The following ACLY variants were observed in gnomAD, a reference collection of about 807,000 sequenced individuals.
ACLY encodes ATP citrate lyase.
ACLY carries 41 observed loss-of-function variants against 133.0 expected under a neutral mutation model. That is an observed-to-expected ratio of 0.31 (90% CI 0.24 to 0.40). The LOEUF (loss-of-function observed/expected upper bound fraction) is 0.40. ACLY is among the 10% of genes least tolerant of loss of function. ACLY has a pLI of 1.00. For synonymous variants in ACLY, 495 were observed against 549.3 expected (o/e 0.90, Z 1.38); for missense variants, 1,046 against 1,453.8 (o/e 0.72, Z 4.56).
At chr17:41,921,362 T>C (rs2144451994), upstream of ACLY, among the ~76,000 whole-genome samples, 1 of 150,938 alleles carries the variant, frequency 6.6e-6, no homozygotes, top group South Asian at 2.1e-4. Context: ...TGCACACCTG[T>C]AGTCCCAGCT....
chr17:41,872,885 G>C (rs939277561), intron 23 of ACLY, among the ~76,000 whole-genome samples: 3 of 152,160 alleles, frequency 2.0e-5, no homozygotes, highest in Non-Finnish European at 4.4e-5. Flanking sequence ...AGCAGACAGA[G>C]AGAGACCTGC....
rs1427241817 is a variant in ACLY, at chr17:41,893,015, C to T, written c.1601+18G>A. The T allele has an allele frequency of 1.2e-5, 19 of 1,607,584 alleles. No individual in the cohort carries two copies. Among genetic ancestry groups the T allele is most frequent in the South Asian group, 3.3e-5 (3 of 90,272 alleles). On this transcript the variant is annotated intron_variant, in intron 15 of 28. Transcript: ENST00000352035. ...CTTAGCAGAGGAAGGAGATATTTCCCGCCATGGGGTAACTCACGTGAAAGG... is the reference window on the plus strand; with the variant it reads ...CTTAGCAGAGGAAGGAGATATTTCCTGCCATGGGGTAACTCACGTGAAAGG...
At chr17:41,926,162 T>G (rs947683359) in intron 1 of ACLY, among the ~76,000 whole-genome samples, 2 of 152,098 alleles carry the variant, frequency 1.3e-5, no homozygotes, top group Non-Finnish European at 2.9e-5. Context: ...TATGTTTATT[T>G]ACTTATGTTC....
At chr17:41,883,571 C>T (rs533674970) in intron 19 of ACLY, among the ~76,000 whole-genome samples, 57 of 132,670 alleles carry the variant, frequency 4.3e-4, no homozygotes, top group Admixed American at 8.5e-5. Context: ...TTAAAAAGCG[C>T]TTTTTTTTTG....
chr17:41,907,034 T>C (rs948614534), intron 7 of ACLY, among the ~76,000 whole-genome samples: 10 of 152,082 alleles, frequency 6.6e-5, no homozygotes, highest in Non-Finnish European at 4.4e-5. Flanking sequence ...TAGCCCAGCC[T>C]CTTCCCTGGG....
chr17:41,882,974 C>T (rs933209893), intron 20 of ACLY, 148 bp downstream of exon 20: 63 of 635,774 alleles, frequency 9.9e-5, no homozygotes, highest in Admixed American at 1.5e-4. Context: ...GAGCAGGGCC[C>T]TGGCTGGACT....
intron 17 of ACLY, 69 bp downstream of exon 17, chr17:41,887,530 A>T: frequency 4.5e-6 from 6 of 1,340,322 alleles, no homozygotes; most frequent in Non-Finnish European, 6.4e-6. Context: ...CAAAAAGTAA[A>T]CTTCCTAAGG....
At chr17:41,872,482 C>A (rs1019156272) in intron 23 of ACLY, among the ~76,000 whole-genome samples, 2 of 152,152 alleles carry the variant, frequency 1.3e-5, no homozygotes, top group African/African-American at 4.8e-5. Context: ...CGCACCACCA[C>A]GCCAGGCTAA....
At chr17:41,901,558 A>G (rs1598021537) in intron 11 of ACLY, 138 bp downstream of exon 11, 2 of 712,872 alleles carry the variant, frequency 2.8e-6, no homozygotes, top group Non-Finnish European at 4.8e-6. Context: ...GGGACAGGGA[A>G]TGGAAACCCA....
chr17:41,904,834 G>A (rs782217323), intron 9 of ACLY, 44 bp from the exon 10 acceptor site: 3 of 1,564,734 alleles, frequency 1.9e-6, no homozygotes, highest in East Asian at 2.2e-5. Flanking sequence ...TACATAGGTA[G>A]ACTTGAGCAT....
intron 20 of ACLY, among the ~76,000 whole-genome samples, chr17:41,882,434 G>T (rs1367792345): frequency 1.5e-5 from 2 of 134,208 alleles, no homozygotes; most frequent in Non-Finnish European, 3.1e-5. Context: ...ATACTGCAGA[G>T]TATTCTTGTA....
Position 41,867,673 on chromosome 17 carries a change from G to C in ACLY, c.*137C>G. ...TGTTAGCCTGTGGATGTTGGTCTTC[G>C]GTGCCTGTACCCCAGTGGCTGTTTA... On this transcript the variant is annotated 3_prime_UTR_variant, in exon 29 of 29. Coordinates refer to ENST00000352035, the MANE Select transcript of ACLY (RefSeq NM_001096.3). The C allele has an allele frequency of 1.8e-6, 1 of 541,498 alleles. No homozygotes were observed. Among genetic ancestry groups the C allele is most frequent in the Non-Finnish European group, 3.2e-6 (1 of 310,868 alleles). 33.5% of individuals were successfully genotyped at this position (541,498 alleles called of 1,614,324 possible). A position where few individuals can be genotyped will look rare whatever the true frequency, so the allele number is the denominator to read the frequency against.
intron 1 of ACLY, among the ~76,000 whole-genome samples, chr17:41,926,533 G>A (rs2050245604): frequency 1.3e-5 from 2 of 152,220 alleles, no homozygotes; most frequent in Non-Finnish European, 1.5e-5. Context: ...TTGTTCCCCA[G>A]GCTGAAGTGC....
chr17:41,910,534 C>G (rs2049871520), intron 3 of ACLY, among the ~76,000 whole-genome samples: 1 of 152,238 alleles, frequency 6.6e-6, no homozygotes, highest in South Asian at 2.1e-4. Flanking sequence ...TTGGCCTCCT[C>G]TGGAGGGTGA....
intron 27 of ACLY, 107 bp downstream of exon 27, chr17:41,868,936 C>T: frequency 1.5e-6 from 2 of 1,349,648 alleles, no homozygotes. Context: ...TTATACCTCT[C>T]CTTATTTTTC....
chr17:41,896,612 C>A lies in ACLY; in HGVS notation c.1459+8G>T. ...ACGCGGAGTGGGGGCAGGGTGGGGG[C>A]ATCCTACCTTGCAGGGATCTTGGAC... On this transcript the variant is annotated splice_region_variant and intron_variant, in intron 14 of 28. Transcript: ENST00000352035. The A allele has an allele frequency of 6.4e-7, 1 of 1,559,444 alleles. No homozygotes were observed. Among genetic ancestry groups the A allele is most frequent in the Non-Finnish European group, 8.7e-7 (1 of 1,151,890 alleles).
At position 41,907,568 on chromosome 17, in the gene ACLY, C is replaced by A; in HGVS notation, c.621G>T (p.Val207=). 1.2e-6 allele frequency: 2 copies of A among 1,613,978 alleles called. No individual in the cohort carries two copies. Among genetic ancestry groups the A allele is most frequent in the South Asian group, 2.2e-5 (2 of 91,048 alleles). ...CAAGGACATAGACTCCATCTTTGGT[C>A]ACTACTTCAAGGGGAGCAGAGGCAA... ...FTYLEINPLV[V]TKDGVYVLDL... is the part of the protein sequence containing the mutation. The change falls in exon 7 of 29, where the codon GTG becomes GTT. Residue 207 remains valine, a synonymous_variant. Coordinates refer to ENST00000352035, the MANE Select transcript of ACLY (RefSeq NM_001096.3).
At chr17:41,909,810 C>A in intron 4 of ACLY, 110 bp from the exon 5 acceptor site, 1 of 921,382 alleles carries the variant, frequency 1.1e-6, no homozygotes, top group Non-Finnish European at 1.6e-6. Context: ...GGAAACCAAT[C>A]CCCACGGTCT....
At position 41,867,754 on chromosome 17, in the gene ACLY, T is replaced by A; in HGVS notation, c.*56A>T. ...TCCACTGCCAGCTGTCTGTACACTT[T>A]TTCTTGGGGGAAGAGATCTTGTCTT... is the stretch of plus-strand genomic sequence containing the variant. On this transcript the variant is annotated 3_prime_UTR_variant, in exon 29 of 29. Transcript: ENST00000352035. 2 of 1,449,062 alleles carry A rather than the reference T, an allele frequency of 1.4e-6. No individual in the cohort carries two copies. The highest frequency in any genetic ancestry group is 1.9e-6 in the Non-Finnish European group (2 of 1,048,304). 89.8% of individuals were successfully genotyped at this position (1,449,062 alleles called of 1,614,324 possible). A position where few individuals can be genotyped will look rare whatever the true frequency, so the allele number is the denominator to read the frequency against.
Sources: gnomAD v4.1 joint callset for allele counts (sites outside exome capture counted in the v4.1 genomes callset) on GRCh38, gnomAD v4.1.1 for gene constraint, MANE v1.5 for transcripts, NCBI Gene and HGNC (gene_info 2026-07-23, HGNC 2026-07-21) for gene names.